Variants in EXOG observed in about 807,000 individuals in gnomAD.
EXOG encodes exo/endonuclease G, also known as nuclease EXOG, mitochondrial.
In EXOG, 27 loss-of-function variants were observed where a neutral mutation model predicts 25.8. The observed-to-expected ratio is 1.05, with a 90% confidence interval of 0.77 to 1.45. EXOG has a LOEUF of 1.45. Among genes scored for constraint, EXOG ranks in the 40% most tolerant of loss-of-function variants. The pLI, the probability that EXOG is intolerant of heterozygous loss-of-function variation, is 0.00. For missense variants in EXOG, 458 were observed against 450.5 expected, an observed-to-expected ratio of 1.02 and a Z score of -0.15; for synonymous variants, 133 against 167.0, an observed-to-expected ratio of 0.80 and a Z score of 1.57.
rs2060839745 is a variant in EXOG, at chr3:38,525,098, GC to G, written c.*737del. The G allele has an allele frequency of 6.1e-6, 6 of 978,860 alleles. No homozygotes were observed. The South Asian group carries it at 2.8e-4, about 46-fold the overall frequency. 60.6% of individuals were successfully genotyped at this position (978,860 alleles called of 1,614,324 possible). On this transcript the variant is annotated 3_prime_UTR_variant, in exon 6 of 6. Transcript: ENST00000287675. Reference sequence around the variant, plus strand: ...TAGAAGCACTCAGCAACTAGTTTCTGCTCATTAAATGTGTTCTATATACTAG... The same window carrying G: ...TAGAAGCACTCAGCAACTAGTTTCTGTCATTAAATGTGTTCTATATACTAG...
At chr3:38,506,994 A>T (rs2125768551) in intron 5 of EXOG, 26 bp downstream of exon 5, 6 of 958,702 alleles carry the variant, frequency 6.3e-6, no homozygotes, top group African/African-American at 1.6e-5. Context: ...AGTCAGGTTT[A>T]TGTTATCTGT....
chr3:38,525,648 A>G lies in EXOG; in HGVS notation c.*1286A>G. On this transcript the variant is annotated 3_prime_UTR_variant, in exon 6 of 6. Transcript: ENST00000287675. Reference sequence around the variant, plus strand: ...TTTTGTTCTTAAGATTAAGAAACCTATGAAGGATCTGCAGCCAGGCATGGT... The same window carrying G: ...TTTTGTTCTTAAGATTAAGAAACCTGTGAAGGATCTGCAGCCAGGCATGGT... The G allele has an allele frequency of 2.0e-6, 2 of 985,098 alleles. No individual in the cohort carries two copies. The highest frequency in any genetic ancestry group is 2.4e-6 in the Non-Finnish European group (2 of 829,622). The allele number at this position is 985,098 out of a possible 1,614,324, so 61.0% of individuals were successfully genotyped here.
chr3:38,515,286 CT>C (rs1319222798), intron 5 of EXOG, among the ~76,000 whole-genome samples: 1 of 151,990 alleles, frequency 6.6e-6, no homozygotes, highest in Non-Finnish European at 1.5e-5. Context: ...AGGATGATCC[CT>C]TTATTTGACT....
At chr3:38,498,845 G>T (rs1041952791) in intron 2 of EXOG, 1 of 443,774 alleles carries the variant, frequency 2.3e-6, no homozygotes, top group Non-Finnish European at 4.6e-6. Context: ...AGGTGTGTCA[G>T]TTTATTCATG....
chr3:38,523,343 C>T, intron 5 of EXOG: 2 of 1,227,308 alleles, frequency 1.6e-6, no homozygotes, highest in South Asian at 2.8e-5. Context: ...GACTGTGACC[C>T]CTGATCTTTG....
Position 38,523,978 on chromosome 3 carries a change from C to A in EXOG, c.723C>A (p.Thr241=). The change falls in exon 6 of 6, where the codon ACC becomes ACA. Residue 241 remains threonine (T), a synonymous_variant. Transcript: ENST00000287675. ...TGGCCCGCAGAAGCTCAGTATCTAC[C>A]GAACCACTGGCGCTAGGGGCCTTTG... ...VILARRSSVS[T]EPLALGAFVV... 1.9e-6 allele frequency: 3 copies of A among 1,613,546 alleles called. No individual in the cohort carries two copies. Among genetic ancestry groups the A allele is most frequent in the Non-Finnish European group, 1.7e-6 (2 of 1,179,704 alleles).
At chr3:38,523,275 A>G in intron 5 of EXOG, 1 of 1,288,040 alleles carries the variant, frequency 7.8e-7, no homozygotes, top group Non-Finnish European at 1.0e-6. Flanking sequence ...CTTGTCTATT[A>G]AAAAACCAGG....
chr3:38,509,564 C>G (rs886881306), intron 5 of EXOG, among the ~76,000 whole-genome samples: 1 of 152,170 alleles, frequency 6.6e-6, no homozygotes, highest in Admixed American at 6.5e-5. Flanking sequence ...TAAAAAGCAT[C>G]TCCTGAAAAG....
In EXOG at chr3:38,523,972, A is replaced by T; in HGVS notation, c.717A>T (p.Val239=). 1 of 1,613,070 alleles carries T rather than the reference A, an allele frequency of 6.2e-7. No individual in the cohort carries two copies. Among genetic ancestry groups the T allele is most frequent in the Non-Finnish European group, 8.5e-7 (1 of 1,179,506 alleles). The change falls in exon 6 of 6, where the codon GTA becomes GTT. Residue 239 remains valine, a synonymous_variant. Transcript: ENST00000287675. The part of the protein sequence containing the change: ...YKVILARRSS[V]STEPLALGAF... ...TAATCCTGGCCCGCAGAAGCTCAGT[A>T]TCTACCGAACCACTGGCGCTAGGGG...
At chr3:38,505,399 G>A (rs958690781) in intron 4 of EXOG, 4 of 151,816 alleles carry the variant, frequency 2.6e-5, no homozygotes, top group Admixed American at 2.0e-4. Flanking sequence ...CTTTTCCCAA[G>A]AGATAAATTT....
intron 5 of EXOG, among the ~76,000 whole-genome samples, chr3:38,519,809 T>C (rs1423366904): frequency 6.6e-6 from 1 of 152,222 alleles, no homozygotes; most frequent in Non-Finnish European, 1.5e-5. Flanking sequence ...AAGCATCTGC[T>C]GAGGCTCTAT....
intron 5 of EXOG, among the ~76,000 whole-genome samples, chr3:38,512,806 T>G (rs1575648409): frequency 6.6e-6 from 1 of 152,048 alleles, no homozygotes; most frequent in Admixed American, 6.6e-5. Context: ...TATTTTTAAG[T>G]TTTTCATAGA....
At chr3:38,508,000 G>A (rs956541406) in intron 5 of EXOG, among the ~76,000 whole-genome samples, 1 of 152,054 alleles carries the variant, frequency 6.6e-6, no homozygotes, top group Non-Finnish European at 1.5e-5. Context: ...GTGTGGTGGC[G>A]TGTGCCTGTA....
At chr3:38,510,846 G>A (rs1328798962) in intron 5 of EXOG, among the ~76,000 whole-genome samples, 4 of 152,078 alleles carry the variant, frequency 2.6e-5, no homozygotes, top group Non-Finnish European at 5.9e-5. Context: ...AGTCATGTGA[G>A]GTCAGTCAAG....
At chr3:38,499,967 C>A in intron 2 of EXOG, 1 of 288,550 alleles carries the variant, frequency 3.5e-6, no homozygotes, top group Non-Finnish European at 6.8e-6. Flanking sequence ...TAAGACTCAC[C>A]CAAGGTAGAT....
intron 3 of EXOG, 132 bp from the exon 4 acceptor site, chr3:38,503,483 T>C (rs2060107891): frequency 7.5e-6 from 4 of 530,074 alleles, no homozygotes; most frequent in Non-Finnish European, 1.3e-5. Flanking sequence ...CTTTCATTTA[T>C]TGAAACAAGT....
chr3:38,503,518 G>A, intron 3 of EXOG, 97 bp from the exon 4 acceptor site: 1 of 680,940 alleles, frequency 1.5e-6, no homozygotes, highest in Non-Finnish European at 2.5e-6. Context: ...TAGCACTAAT[G>A]TTTAAATAAG....
chr3:38,509,473 T>C (rs538167638), intron 5 of EXOG, among the ~76,000 whole-genome samples: 5 of 152,350 alleles, frequency 3.3e-5, no homozygotes, highest in Admixed American at 2.0e-4. Context: ...ATATATCTTC[T>C]AGTTGTTTCT....
chr3:38,498,846 T>A (rs1256782083), intron 2 of EXOG: 1 of 443,006 alleles, frequency 2.3e-6, no homozygotes, highest in Admixed American at 2.4e-5. Context: ...GGTGTGTCAG[T>A]TTATTCATGT....
Sources: gnomAD v4.1 joint callset for allele counts (sites outside exome capture counted in the v4.1 genomes callset) on GRCh38, gnomAD v4.1.1 for gene constraint, MANE v1.5 for transcripts, NCBI Gene and HGNC (gene_info 2026-07-23, HGNC 2026-07-21) for gene names.